The following NKIRAS1 variants were observed in gnomAD, a reference collection of about 807,000 sequenced individuals.
NKIRAS1 encodes NFKB inhibitor interacting Ras like 1, also known as NF-kappa-B inhibitor-interacting Ras-like protein 1.
In NKIRAS1, 16 loss-of-function variants were observed where a neutral mutation model predicts 19.8. The observed-to-expected ratio is 0.81, with a 90% CI of 0.55 to 1.23. NKIRAS1 has a LOEUF of 1.23. Ranked by LOEUF, NKIRAS1 falls within the 50% of genes most tolerant of loss-of-function variation. The pLI, the probability that NKIRAS1 is intolerant of heterozygous loss-of-function variation, is 0.00. For missense variants in NKIRAS1, 184 were observed against 220.0 expected (o/e 0.84, Z 1.04); for synonymous variants, 88 against 79.0 (o/e 1.11, Z -0.61).
chr3:23,946,389 A>G, exon 1 of NKIRAS1: 2 of 760,014 alleles, frequency 2.6e-6, no homozygotes, highest in Non-Finnish European at 3.2e-6. Context: ...CGCCTCGGGG[A>G]AGGCGTGGGG....
chr3:23,919,427 C>T, upstream of NKIRAS1: 5 of 1,604,764 alleles, frequency 3.1e-6, no homozygotes, highest in Non-Finnish European at 4.2e-6. Context: ...CCACAAGTTC[C>T]ACCACACTAT....
chr3:23,934,412 C>A (rs778768929), intron 1 of NKIRAS1, among the ~76,000 whole-genome samples: 4 of 152,138 alleles, frequency 2.6e-5, no homozygotes, highest in African/African-American at 7.2e-5. Flanking sequence ...AATGATATGT[C>A]TCTTGTGATA....
chr3:23,918,357 G>A (rs1575119448), upstream of NKIRAS1: 2 of 1,451,682 alleles, frequency 1.4e-6, no homozygotes, highest in East Asian at 4.6e-5. Context: ...AGTATTTTTG[G>A]TGGAGTATTA....
At chr3:23,923,669 T>C (rs1346689329) in intron 1 of NKIRAS1, 1 of 152,250 alleles carries the variant, frequency 6.6e-6, no homozygotes, top group African/African-American at 2.4e-5. Context: ...TCTTTATTCA[T>C]CTGTAGAATA....
At chr3:23,946,387 G>A in exon 1 of NKIRAS1, 1 of 760,116 alleles carries the variant, frequency 1.3e-6, no homozygotes, top group Non-Finnish European at 1.6e-6. Context: ...GGCGCCTCGG[G>A]GAAGGCGTGG....
At chr3:23,918,553 C>G (rs781280751), upstream of NKIRAS1, 1 of 1,613,926 alleles carries the variant, frequency 6.2e-7, no homozygotes, top group Non-Finnish European at 8.5e-7. Flanking sequence ...AAAGTTTGCT[C>G]GAAGCCTTCA....
At chr3:23,937,508 T>C (rs1391181372) in intron 1 of NKIRAS1, among the ~76,000 whole-genome samples, 2 of 151,766 alleles carry the variant, frequency 1.3e-5, no homozygotes, top group Non-Finnish European at 2.9e-5. Context: ...ATATATATTG[T>C]TCCTTTAGAT....
intron 1 of NKIRAS1, chr3:23,945,579 A>C (rs1486627038): frequency 2.6e-6 from 3 of 1,148,824 alleles, no homozygotes; most frequent in Non-Finnish European, 1.1e-6. Flanking sequence ...CGAGGGCACC[A>C]TGGAGGTGAA....
At chr3:23,933,111 T>C (rs937882925) in intron 1 of NKIRAS1, among the ~76,000 whole-genome samples, 2 of 152,206 alleles carry the variant, frequency 1.3e-5, no homozygotes, top group African/African-American at 4.8e-5. Flanking sequence ...TTTTAGTTTG[T>C]TAAGACTCTG....
chr3:23,945,138 G>T, intron 1 of NKIRAS1: 1 of 143,858 alleles, frequency 7.0e-6, no homozygotes, highest in African/African-American at 2.5e-5. Context: ...GGAGAAGGGG[G>T]AAGCGCAGGA....
At chr3:23,914,344 C>T (rs558918651) in intron 1 of NKIRAS1, among the ~76,000 whole-genome samples, 8 of 152,240 alleles carry the variant, frequency 5.3e-5, no homozygotes, top group Admixed American at 2.6e-4. Flanking sequence ...AACTTTCTGA[C>T]GCAACCAGAA....
intron 1 of NKIRAS1, chr3:23,923,367 C>T (rs533481393): frequency 1.3e-5 from 2 of 152,196 alleles, no homozygotes; most frequent in Admixed American, 1.3e-4. Context: ...TTACAGGTGC[C>T]TGCCACTACA....
At chr3:23,916,318 A>T (rs1704418140) in intron 1 of NKIRAS1, 1 of 152,204 alleles carries the variant, frequency 6.6e-6, no homozygotes. Context: ...TTTAAAAAAA[A>T]ACCCGCAACG....
intron 1 of NKIRAS1, among the ~76,000 whole-genome samples, chr3:23,928,630 G>A (rs1320366160): frequency 2.0e-5 from 3 of 147,868 alleles, no homozygotes; most frequent in Non-Finnish European, 4.4e-5. Flanking sequence ...AGGAGAAACC[G>A]ACAAGGGCAT....
In NKIRAS1 at chr3:23,890,640, G is replaced by A. The variant is rs530810725; in HGVS notation, c.*2455C>T. ...TTCACAATTCTTACATTATTTGTCT[G>A]TCACAGAAGAGAGCTGCTTATGATT... On this transcript the variant is annotated 3_prime_UTR_variant, in exon 5 of 5. Transcript: ENST00000425478. The A allele has an allele frequency of 6.9e-6, 11 of 1,583,390 alleles. No individual in the cohort carries two copies. In the South Asian group the frequency reaches 1.1e-4, roughly 16 times the overall value.
rs573426604 is a variant in NKIRAS1 at position 23,939,638 on chromosome 3, G to A, written c.-140+6685C>T. ...TGCCTGTAATCCCAGCTACTCAGGA[G>A]GCTGAGGCAGGAGAATGGCTTGAAC... On this transcript the variant is annotated intron_variant, in intron 1 of 4. Transcript: ENST00000421515. Among the ~76,000 whole-genome samples, 14 of 152,360 alleles carry A rather than the reference G, an allele frequency of 9.2e-5. 1 individual carries two copies. Among genetic ancestry groups the A allele is most frequent in the Admixed American group, 9.1e-4 (14 of 15,306 alleles).
chr3:23,909,702 G>A (rs1184309494), intron 3 of NKIRAS1, among the ~76,000 whole-genome samples: 2 of 152,056 alleles, frequency 1.3e-5, no homozygotes, highest in African/African-American at 2.4e-5. Context: ...CTGATTACAC[G>A]TATCATATAC....
rs567828560 is a variant in NKIRAS1, at chr3:23,901,810, C to G, written c.95-761G>C. 1.2e-4 allele frequency among the ~76,000 whole-genome samples: 18 copies of G among 152,336 alleles called. No individual in the cohort carries two copies. In the East Asian group the frequency reaches 2.1e-3, roughly 18 times the overall value. Reference sequence around the variant, plus strand: ...ATATGAGGCCAGGCACGGTGGCTCACGCCTATAATCCCAGCACTTTGGGAG... The same window carrying G: ...ATATGAGGCCAGGCACGGTGGCTCAGGCCTATAATCCCAGCACTTTGGGAG... On this transcript the variant is annotated intron_variant, in intron 3 of 4. Transcript: ENST00000425478.
At chr3:23,896,157 C>T (rs1435073364) in intron 4 of NKIRAS1, among the ~76,000 whole-genome samples, 1 of 131,450 alleles carries the variant, frequency 7.6e-6, no homozygotes, top group African/African-American at 2.8e-5. Context: ...AAAAAAAAAA[C>T]TTCCACATTC....
Sources: allele counts gnomAD v4.1 joint callset (sites outside exome capture counted in the v4.1 genomes callset), GRCh38; gene constraint gnomAD v4.1.1; transcripts MANE v1.5; gene names NCBI Gene and HGNC (gene_info 2026-07-23, HGNC 2026-07-21).